Variants in TXK observed in about 807,000 individuals in gnomAD.
The protein encoded by TXK is TXK tyrosine kinase.
Under a neutral mutation model 81.0 loss-of-function variants are expected in TXK, and 60 were observed. The ratio of observed to expected loss-of-function variants is 0.74; its 90% CI spans 0.60 to 0.92. The LOEUF (loss-of-function observed/expected upper bound fraction) is 0.92, where lower values mean the gene tolerates loss of function less well. Among genes scored for constraint, TXK ranks in the 40% least tolerant of loss-of-function variants. TXK has a pLI of 0.00. For missense variants in TXK, 581 were observed against 638.3 expected, an observed-to-expected ratio of 0.91 and a Z score of 0.97; for synonymous variants, 203 against 210.7, an observed-to-expected ratio of 0.96 and a Z score of 0.32.
intron 5 of TXK, among the ~76,000 whole-genome samples, chr4:48,109,614 A>G (rs562431999): frequency 6.6e-6 from 1 of 152,340 alleles, no homozygotes; most frequent in Admixed American, 6.5e-5. Flanking sequence ...GAAATCTCAT[A>G]GAGTAATGTA....
intron 8 of TXK, among the ~76,000 whole-genome samples, chr4:48,091,833 G>A (rs1235486969): frequency 6.6e-6 from 1 of 152,124 alleles, no homozygotes; most frequent in Non-Finnish European, 1.5e-5. Context: ...GATCACTCTG[G>A]TACTAGCAGA....
chr4:48,088,711 A>G (rs1218468361), intron 9 of TXK, among the ~76,000 whole-genome samples: 2 of 152,230 alleles, frequency 1.3e-5, no homozygotes, highest in Non-Finnish European at 2.9e-5. Context: ...AATCATGTTT[A>G]ACTTAAGTAA....
intron 11 of TXK, 133 bp downstream of exon 11, chr4:48,079,779 C>G (rs962385408): frequency 1.3e-6 from 1 of 741,264 alleles, no homozygotes; most frequent in African/African-American, 1.8e-5. Flanking sequence ...CATTTTACAA[C>G]AAATTGCATG....
intron 8 of TXK, among the ~76,000 whole-genome samples, chr4:48,090,988 G>C (rs1036176304): frequency 1.3e-5 from 2 of 152,220 alleles, no homozygotes; most frequent in African/African-American, 4.8e-5. Flanking sequence ...TGTGTGCAAG[G>C]CACTCTTCTA....
intron 12 of TXK, among the ~76,000 whole-genome samples, chr4:48,075,648 GA>G (rs979767971): frequency 1.0e-4 from 15 of 149,350 alleles, no homozygotes; most frequent in South Asian, 2.1e-4. Flanking sequence ...AGACTCTGTC[GA>G]AAAAAAAAAT....
intron 10 of TXK, 73 bp downstream of exon 10, chr4:48,086,393 C>T: frequency 6.7e-7 from 1 of 1,491,746 alleles, no homozygotes; most frequent in Non-Finnish European, 9.2e-7. Context: ...GGTGTGGCTG[C>T]CTCCAAAGCT....
chr4:48,133,400 T>C (rs1719295686), intron 1 of TXK, among the ~76,000 whole-genome samples: 1 of 152,182 alleles, frequency 6.6e-6, no homozygotes, highest in Admixed American at 6.5e-5. Flanking sequence ...AACATCTTCA[T>C]ATGTAGTATT....
chr4:48,087,209 C>T (rs1438657882), intron 9 of TXK, among the ~76,000 whole-genome samples: 1 of 151,896 alleles, frequency 6.6e-6, no homozygotes, highest in East Asian at 1.9e-4. Context: ...GTATATTTCT[C>T]ATTTTATAGA....
intron 5 of TXK, chr4:48,109,210 A>G (rs1479619657): frequency 6.8e-6 from 1 of 147,412 alleles, no homozygotes; most frequent in Non-Finnish European, 1.5e-5. Flanking sequence ...CTTTTTTTAT[A>G]GAGATAGGGT....
At chr4:48,113,364 T>TAC (rs1718700956) in intron 2 of TXK, 55 bp from the exon 3 acceptor site, 1 of 1,334,662 alleles carries the variant, frequency 7.5e-7, no homozygotes, top group Non-Finnish European at 1.1e-6. Context: ...AAGTTATCTA[T>TAC]ACATCCACTA....
intron 10 of TXK, among the ~76,000 whole-genome samples, chr4:48,082,733 A>C (rs542291042): frequency 2.0e-5 from 3 of 152,152 alleles, no homozygotes; most frequent in Non-Finnish European, 2.9e-5. Context: ...ACCCATACAA[A>C]TCGCAAACTC....
At chr4:48,094,382 A>T (rs762100181) in intron 7 of TXK, among the ~76,000 whole-genome samples, 178 bp from the exon 8 acceptor site, 7 of 152,166 alleles carry the variant, frequency 4.6e-5, no homozygotes, top group Non-Finnish European at 1.0e-4. Context: ...CAACTACATT[A>T]TTGGGGCCTT....
intron 8 of TXK, among the ~76,000 whole-genome samples, chr4:48,092,059 AC>A (rs1452178208): frequency 6.6e-6 from 1 of 152,206 alleles, no homozygotes; most frequent in Non-Finnish European, 1.5e-5. Context: ...TCCAACCCCT[AC>A]AAGGGGCTGG....
intron 9 of TXK, among the ~76,000 whole-genome samples, chr4:48,088,757 T>G (rs1464509655): frequency 6.6e-6 from 1 of 152,230 alleles, no homozygotes; most frequent in Non-Finnish European, 1.5e-5. Flanking sequence ...ATATATACTA[T>G]CTGTGGGCCA....
chr4:48,087,379 A>G, intron 9 of TXK, among the ~76,000 whole-genome samples: 1 of 152,036 alleles, frequency 6.6e-6, no homozygotes, highest in East Asian at 1.9e-4. Context: ...AGTCCCTTCT[A>G]CCAGCTATGC....
intron 8 of TXK, among the ~76,000 whole-genome samples, chr4:48,093,368 C>T (rs1717852710): frequency 6.6e-6 from 1 of 152,214 alleles, no homozygotes. Context: ...TGAAAAGTTA[C>T]CGTGGATTCT....
intron 1 of TXK, among the ~76,000 whole-genome samples, chr4:48,129,384 G>GGATAACTA (rs1026011117): frequency 1.8e-4 from 27 of 152,176 alleles, no homozygotes; most frequent in Admixed American, 1.5e-3. Flanking sequence ...AAAGAAGGGA[G>GGATAACTA]GATAACTACT....
At chr4:48,122,529 G>A (rs1461906009) in intron 1 of TXK, among the ~76,000 whole-genome samples, 1 of 151,820 alleles carries the variant, frequency 6.6e-6, no homozygotes, top group South Asian at 2.1e-4. Context: ...TTCTTTTTTG[G>A]TGTATTTCTC....
At chr4:48,089,904 C>T (rs1717692619) in intron 8 of TXK, 80 bp from the exon 9 acceptor site, 1 of 989,688 alleles carries the variant, frequency 1.0e-6, no homozygotes, top group Non-Finnish European at 1.5e-6. Context: ...AAGACAGTAC[C>T]ATTCTTTAAA....
Sources: gnomAD v4.1 joint callset for allele counts (sites outside exome capture counted in the v4.1 genomes callset) on GRCh38, gnomAD v4.1.1 for gene constraint, MANE v1.5 for transcripts, NCBI Gene and HGNC (gene_info 2026-07-23, HGNC 2026-07-21) for gene names.